Variants in MMP28 observed in about 807,000 individuals in gnomAD.
MMP28 encodes matrix metalloproteinase-28.
MMP28 carries 55 observed loss-of-function variants against 60.5 expected under a neutral mutation model. That is an observed-to-expected ratio of 0.91 (90% CI 0.73 to 1.14). The LOEUF is 1.14. Ranked by LOEUF, MMP28 falls within the 50% of genes most tolerant of loss-of-function variation. The pLI, the probability that MMP28 is intolerant of heterozygous loss-of-function variation, is 0.00. For missense variants in MMP28, 686 were observed against 738.3 expected (o/e 0.93, Z 0.82); for synonymous variants, 318 against 312.5 (o/e 1.02, Z -0.18).
At chr17:35,791,618 G>T (rs890945721) in intron 1 of MMP28, among the ~76,000 whole-genome samples, 1 of 152,182 alleles carries the variant, frequency 6.6e-6, no homozygotes, top group Admixed American at 6.5e-5. Flanking sequence ...TCCAAGCTTT[G>T]TTAGAGTAGG....
rs867989119 is a variant in MMP28, at chr17:35,771,738, T to G, written c.605-1426A>C. 2.0e-5 allele frequency among the ~76,000 whole-genome samples: 2 copies of G among 100,808 alleles called. 1 individual carries two copies. The highest frequency in any genetic ancestry group is 4.1e-5 in the Non-Finnish European group (2 of 49,312). 66.1% of individuals were successfully genotyped at this position (100,808 alleles called of 152,430 possible). A position where few individuals can be genotyped will look rare whatever the true frequency, so the allele number is the denominator to read the frequency against. On this transcript the variant is annotated intron_variant, in intron 4 of 7. Coordinates refer to ENST00000605424, the MANE Select transcript of MMP28 (RefSeq NM_024302.5). ...ATATATATATATATATATATATATA[T>G]ATATATATATATATATAAAATTGTG...
intron 1 of MMP28, among the ~76,000 whole-genome samples, chr17:35,788,304 A>C (rs1423768214): frequency 6.6e-6 from 1 of 152,116 alleles, no homozygotes. Context: ...ATGCCAAATA[A>C]CTATACCGTA....
chr17:35,759,840 C>G lies in MMP28; in HGVS notation c.266-3421G>C, dbSNP rs1290751956. Among the ~76,000 whole-genome samples the G allele has an allele frequency of 5.3e-5, 8 of 152,266 alleles. No individual in the cohort carries two copies. In the East Asian group the frequency reaches 1.5e-3, roughly 29 times the overall value. Reference sequence around the variant, plus strand: ...GACACCGAAGCAAGGGAAGCTGAGGCAAACAGGCCAAAGTTGCTGTGCCAC... The same window carrying G: ...GACACCGAAGCAAGGGAAGCTGAGGGAAACAGGCCAAAGTTGCTGTGCCAC... On this transcript the variant is annotated intron_variant, in intron 2 of 2. Coordinates refer to the MMP28 transcript ENST00000615317.
chr17:35,779,045 GAC>G lies in MMP28; in HGVS notation c.220_221del (p.Val74GlnfsTer30). Reference protein sequence around the residue: ...RAFQWVSQLPVSGVLDRATLR... With the variant: ...RAFQWVSQLPXSGVLDRATLR... ...GGGTGGCGCGGTCCAACACGCCGCTGACAGGTAGCTGGGACACCCACTGAAAC... is the reference window on the plus strand; with the variant it reads ...GGGTGGCGCGGTCCAACACGCCGCTGAGGTAGCTGGGACACCCACTGAAAC... On this transcript the variant is annotated frameshift_variant, in exon 3 of 8. Coordinates refer to ENST00000605424, the MANE Select transcript of MMP28 (RefSeq NM_024302.5). LOFTEE classifies it high-confidence loss of function. 1 of 1,614,028 alleles carries G rather than the reference GAC, an allele frequency of 6.2e-7. No individual in the cohort carries two copies. Among genetic ancestry groups the G allele is most frequent in the African/African-American group, 1.3e-5 (1 of 75,062 alleles).
intron 3 of MMP28, among the ~76,000 whole-genome samples, chr17:35,775,791 A>C (rs2143370635): frequency 6.6e-6 from 1 of 152,248 alleles, no homozygotes; most frequent in East Asian, 1.9e-4. Flanking sequence ...TGGTGCCCCC[A>C]ACCTCCGCCA....
chr17:35,792,620 ACT>A (rs1278076200), intron 1 of MMP28, among the ~76,000 whole-genome samples: 2 of 152,094 alleles, frequency 1.3e-5, no homozygotes, highest in Non-Finnish European at 2.9e-5. Flanking sequence ...TAACTAAAAT[ACT>A]CTCTTTAGGA....
chr17:35,778,794 T>G, intron 3 of MMP28, 94 bp downstream of exon 3: 1 of 1,607,208 alleles, frequency 6.2e-7, no homozygotes. Flanking sequence ...GAGAGGTTAC[T>G]GACAAAGTCC....
intron 4 of MMP28, 82 bp from the exon 5 acceptor site, chr17:35,770,394 G>GGT (rs1555605193): frequency 7.1e-7 from 1 of 1,414,724 alleles, no homozygotes; most frequent in Non-Finnish European, 9.2e-7. Flanking sequence ...ATGCCACTGG[G>GGT]GTGTGTGTGG....
Position 35,795,299 on chromosome 17 carries a change from G to T in MMP28, c.79C>A (p.Arg27Ser). ...TCCTTGCGCAGCTCCTGGCCTCCGC[G>T]CTCCGCGGGCTGGGCGTCCAGGTGG... is the stretch of plus-strand genomic sequence containing the variant. ...WGHLDAQPAE[R>S]GGQELRKEAE... The change falls in exon 1 of 8, where the codon CGC (arginine) becomes AGC (serine). Residue 27 changes from arginine (R) to serine (S), a missense_variant. Coordinates refer to ENST00000605424, the MANE Select transcript of MMP28 (RefSeq NM_024302.5). 1 of 1,464,124 alleles carries T rather than the reference G, an allele frequency of 6.8e-7. No homozygotes were observed. The highest frequency in any genetic ancestry group is 9.0e-7 in the Non-Finnish European group (1 of 1,108,198). The allele number at this position is 1,464,124 out of a possible 1,614,324, so 90.7% of individuals were successfully genotyped here.
intron 1 of MMP28, among the ~76,000 whole-genome samples, chr17:35,780,243 T>C (rs2086459698): frequency 6.6e-6 from 1 of 151,938 alleles, no homozygotes; most frequent in African/African-American, 2.4e-5. Context: ...TAATTTCTTG[T>C]ATTTAGTAGA....
chr17:35,778,775 C>G, intron 3 of MMP28, 113 bp downstream of exon 3: 3 of 1,590,512 alleles, frequency 1.9e-6, no homozygotes, highest in Non-Finnish European at 1.7e-6. Context: ...CCTCCCGTGC[C>G]CTAGGGAAGA....
intron 1 of MMP28, among the ~76,000 whole-genome samples, chr17:35,790,590 A>ACTCCC (rs1362853404): frequency 6.6e-6 from 1 of 152,032 alleles, no homozygotes; most frequent in African/African-American, 2.4e-5. Flanking sequence ...CATTATTGGG[A>ACTCCC]GAGTGGTGTT....
chr17:35,758,440 C>G (rs933484780), intron 2 of MMP28: 3 of 152,192 alleles, frequency 2.0e-5, no homozygotes, highest in Non-Finnish European at 4.4e-5. Flanking sequence ...ACCTGTAGTC[C>G]CAGCACTTTG....
rs572436506 is a variant in MMP28, at chr17:35,784,011, G to A, written c.112-4688C>T. Among the ~76,000 whole-genome samples, 15 of 152,132 alleles carry A rather than the reference G, an allele frequency of 9.9e-5. No individual in the cohort carries two copies. In the East Asian group the frequency reaches 1.9e-3, roughly 20 times the overall value. On this transcript the variant is annotated intron_variant, in intron 1 of 7. Transcript: ENST00000605424. The stretch of plus-strand genomic sequence containing the variant: ...TATAAAAGCACTGAAGTGGCTGTGC[G>A]TAGTCATGCCTGTAATACCAGCACT...
At chr17:35,772,477 G>A (rs1045207293) in intron 4 of MMP28, among the ~76,000 whole-genome samples, 5 of 152,200 alleles carry the variant, frequency 3.3e-5, no homozygotes, top group African/African-American at 9.7e-5. Flanking sequence ...AGGTGGGCTT[G>A]ACTGAAAGCA....
downstream of MMP28, chr17:35,764,676 C>T: frequency 1.3e-6 from 2 of 1,495,448 alleles, no homozygotes; most frequent in Non-Finnish European, 1.8e-6. Context: ...GACCCCCTAC[C>T]GACCTTCTCT....
At chr17:35,772,501 G>A in intron 4 of MMP28, among the ~76,000 whole-genome samples, 1 of 152,308 alleles carries the variant, frequency 6.6e-6, no homozygotes, top group East Asian at 1.9e-4. Flanking sequence ...GGGTGCGAGG[G>A]AGGTGGGGGC....
At chr17:35,782,052 T>TC (rs1472839845) in intron 1 of MMP28, among the ~76,000 whole-genome samples, 1,068 of 98,478 alleles carry the variant, frequency 0.011, 19 homozygotes, top group African/African-American at 0.06. Flanking sequence ...TATTTCTCTC[T>TC]TTTTTTTTTT....
In MMP28 at chr17:35,773,168, T is replaced by C. The variant is rs1307176500; in HGVS notation, c.604+12A>G. The C allele has an allele frequency of 6.2e-7, 1 of 1,611,226 alleles. No individual in the cohort carries two copies. The highest frequency in any genetic ancestry group is 8.5e-7 in the Non-Finnish European group (1 of 1,178,016). ...CCTCCTGCTGTGCGGGAGGGAGGCT[T>C]TGTGCCAGCACCTGGGCCATCAAAG... On this transcript the variant is annotated intron_variant, in intron 4 of 7. Coordinates refer to ENST00000605424, the MANE Select transcript of MMP28 (RefSeq NM_024302.5).
Sources: gnomAD v4.1 joint callset for allele counts (sites outside exome capture counted in the v4.1 genomes callset) on GRCh38, gnomAD v4.1.1 for gene constraint, MANE v1.5 for transcripts, NCBI Gene and HGNC (gene_info 2026-07-23, HGNC 2026-07-21) for gene names.